Variants in SLC35A1 observed in about 807,000 individuals in gnomAD.
The protein encoded by SLC35A1 is CMP-sialic acid transporter.
A neutral mutation model predicts 40.3 loss-of-function variants in SLC35A1; 21 were observed. That is an observed-to-expected ratio of 0.52 (90% CI 0.37 to 0.75). The LOEUF (loss-of-function observed/expected upper bound fraction) is 0.75. SLC35A1 is among the 30% of genes least tolerant of loss of function. The pLI is 0.00. For synonymous variants in SLC35A1, 146 were observed against 147.3 expected (o/e 0.99, Z 0.06); for missense variants, 297 against 382.1 (o/e 0.78, Z 1.86).
At chr6:87,484,257 AAG>A (rs1327047760) in intron 2 of SLC35A1, among the ~76,000 whole-genome samples, 2 of 152,190 alleles carry the variant, frequency 1.3e-5, no homozygotes, top group African/African-American at 4.8e-5. Flanking sequence ...ACCTCCTCAC[AAG>A]AGAGAACCAG....
At chr6:87,491,798 GGAGA>G (rs1345265758) in intron 2 of SLC35A1, among the ~76,000 whole-genome samples, 1 of 152,114 alleles carries the variant, frequency 6.6e-6, no homozygotes, top group African/African-American at 2.4e-5. Flanking sequence ...TTCATGTGAT[GGAGA>G]GAGAGATGGC....
intron 2 of SLC35A1, among the ~76,000 whole-genome samples, chr6:87,490,034 G>C (rs1005533809): frequency 6.6e-6 from 1 of 151,950 alleles, no homozygotes; most frequent in African/African-American, 2.4e-5. Flanking sequence ...TTAAAGACCA[G>C]CTTGGGCAAC....
intron 2 of SLC35A1, among the ~76,000 whole-genome samples, chr6:87,495,043 TGCTGCAACCATC>T (rs1210460894): frequency 6.6e-6 from 1 of 151,950 alleles, no homozygotes; most frequent in Non-Finnish European, 1.5e-5. Context: ...GATCTTGACT[TGCTGCAACCATC>T]GCTTCCTGGG....
chr6:87,503,299 A>G (rs557544777), intron 4 of SLC35A1, among the ~76,000 whole-genome samples: 3 of 152,206 alleles, frequency 2.0e-5, no homozygotes, highest in Admixed American at 1.3e-4. Context: ...AGACTTGACT[A>G]CGGCTGGAGG....
At chr6:87,497,858 AGCTGGGATGATAGGCAT>A (rs1769789785) in intron 2 of SLC35A1, among the ~76,000 whole-genome samples, 1 of 150,770 alleles carries the variant, frequency 6.6e-6, no homozygotes, top group Middle Eastern at 3.5e-3. Context: ...CCTCCTGCGT[AGCTGGGATGATAGGCAT>A]GTGCCACCAC....
Position 87,511,967 on chromosome 6 carries a change from T to A in SLC35A1, c.*441T>A, listed in dbSNP as rs1770293410. On this transcript the variant is annotated 3_prime_UTR_variant, in exon 8 of 8. Coordinates refer to ENST00000369552, the MANE Select transcript of SLC35A1 (RefSeq NM_006416.5). Reference sequence around the variant, plus strand: ...TCCTTATTCTCCAATTCATGTACAGTATTTTGTCCTAGCAGCATAAAGACC... The same window carrying A: ...TCCTTATTCTCCAATTCATGTACAGAATTTTGTCCTAGCAGCATAAAGACC... 2 of 214,558 alleles carry A rather than the reference T, an allele frequency of 9.3e-6. No homozygotes were observed. The highest frequency in any genetic ancestry group is 1.0e-4 in the Admixed American group (2 of 19,148). 13.3% of individuals were successfully genotyped at this position (214,558 alleles called of 1,614,324 possible). A position where few individuals can be genotyped will look rare whatever the true frequency, so the allele number is the denominator to read the frequency against.
intron 4 of SLC35A1, 72 bp from the exon 5 acceptor site, chr6:87,506,310 T>G (rs1308661561): frequency 8.4e-7 from 1 of 1,191,352 alleles, no homozygotes. Flanking sequence ...GTTTTTGTAT[T>G]TATTTGTTTG....
chr6:87,501,356 T>G, intron 4 of SLC35A1, 46 bp downstream of exon 4: 1 of 1,568,108 alleles, frequency 6.4e-7, no homozygotes, highest in Non-Finnish European at 8.7e-7. Context: ...ATAGAAAACT[T>G]CCTTAAGTCT....
intron 2 of SLC35A1, among the ~76,000 whole-genome samples, chr6:87,498,726 C>T (rs1769818637): frequency 6.6e-6 from 1 of 152,086 alleles, no homozygotes; most frequent in South Asian, 2.1e-4. Context: ...GCCGAGATTG[C>T]ACCATTGCAC....
At chr6:87,506,506 TTAGACACCAGTCTAG>T in intron 5 of SLC35A1, 58 bp downstream of exon 5, 1 of 1,293,012 alleles carries the variant, frequency 7.7e-7, no homozygotes, top group Admixed American at 1.7e-5. Context: ...ACATCAAACT[TTAGACACCAGTCTAG>T]TTTATCTTGC....
At chr6:87,494,197 AGTC>A (rs1769646608) in intron 2 of SLC35A1, among the ~76,000 whole-genome samples, 1 of 152,146 alleles carries the variant, frequency 6.6e-6, no homozygotes, top group African/African-American at 2.4e-5. Context: ...CATATATACC[AGTC>A]TGTACTGATG....
chr6:87,477,842 A>C (rs939178625), intron 2 of SLC35A1, among the ~76,000 whole-genome samples: 2 of 152,250 alleles, frequency 1.3e-5, no homozygotes, highest in Non-Finnish European at 2.9e-5. Flanking sequence ...GCTGTAGAAT[A>C]GAAGTTGGCA....
chr6:87,500,458 TTTAATTTTCTTCCTTACCACCCTC>T (rs1282300247), intron 2 of SLC35A1, 26 bp from the exon 3 acceptor site: 1 of 1,576,868 alleles, frequency 6.3e-7, no homozygotes, highest in East Asian at 2.2e-5. Flanking sequence ...AATAATACTC[TTTAATTTTCTTCCTTACCACCCTC>T]TCATCTCCCC....
intron 5 of SLC35A1, chr6:87,507,017 G>C (rs1770103087): frequency 6.4e-6 from 1 of 155,312 alleles, no homozygotes; most frequent in Non-Finnish European, 1.4e-5. Flanking sequence ...GTCTGGCGTT[G>C]TATGTGTAGG....
rs529725328 is a variant in SLC35A1, at chr6:87,473,985, T to G, written c.16+966T>G. Among the ~76,000 whole-genome samples, 3 of 152,398 alleles carry G rather than the reference T, an allele frequency of 2.0e-5. No homozygotes were observed. The South Asian group carries it at 6.2e-4, about 32-fold the overall frequency. ...TCAGGCCCTGCCCAGGGGCATTGTC[T>G]TTAGTTGCATATGCTTCTCTTATGT... On this transcript the variant is annotated intron_variant, in intron 1 of 7. Coordinates refer to ENST00000369552, the MANE Select transcript of SLC35A1 (RefSeq NM_006416.5).
intron 2 of SLC35A1, among the ~76,000 whole-genome samples, chr6:87,485,652 A>G (rs1769370253): frequency 6.6e-6 from 1 of 152,062 alleles, no homozygotes; most frequent in African/African-American, 2.4e-5. Flanking sequence ...AGTCACAGCT[A>G]CCTGGGAGGC....
At chr6:87,505,064 C>G (rs577662534) in intron 4 of SLC35A1, among the ~76,000 whole-genome samples, 2 of 152,268 alleles carry the variant, frequency 1.3e-5, no homozygotes, top group African/African-American at 4.8e-5. Flanking sequence ...GTTTTTATTT[C>G]TAACAAACCC....
At chr6:87,483,253 T>C (rs1014184596) in intron 2 of SLC35A1, among the ~76,000 whole-genome samples, 29 of 152,004 alleles carry the variant, frequency 1.9e-4, no homozygotes, top group African/African-American at 6.8e-4. Flanking sequence ...TTCTCTTTCC[T>C]CTCTGCTGGT....
At chr6:87,507,421 G>C (rs79102133) in intron 5 of SLC35A1, among the ~76,000 whole-genome samples, 1 of 152,196 alleles carries the variant, frequency 6.6e-6, no homozygotes, top group East Asian at 1.9e-4. Context: ...AAATGATTAT[G>C]TCCAACATTT....
Sources: allele counts gnomAD v4.1 joint callset (sites outside exome capture counted in the v4.1 genomes callset), GRCh38; gene constraint gnomAD v4.1.1; transcripts MANE v1.5; gene names NCBI Gene and HGNC (gene_info 2026-07-23, HGNC 2026-07-21).